Variants in LRRC4C observed in about 807,000 individuals in gnomAD.
The protein encoded by LRRC4C is leucine-rich repeat-containing protein 4C.
A neutral mutation model predicts 33.6 loss-of-function variants in LRRC4C; 5 were observed. That is an observed-to-expected ratio of 0.15 (90% CI 0.08 to 0.31). The LOEUF (loss-of-function observed/expected upper bound fraction) is 0.31, where lower values mean the gene tolerates loss of function less well. Ranked by LOEUF, LRRC4C falls within the 10% of genes least tolerant of loss-of-function variation. The pLI, the probability that LRRC4C is intolerant of heterozygous loss-of-function variation, is 1.00. For missense variants in LRRC4C, 560 were observed against 796.7 expected, an observed-to-expected ratio of 0.70 and a Z score of 3.58; for synonymous variants, 329 against 302.0, an observed-to-expected ratio of 1.09 and a Z score of -0.93.
intron 4 of LRRC4C, among the ~76,000 whole-genome samples, chr11:40,261,778 C>T (rs1464437744): frequency 1.3e-5 from 2 of 152,018 alleles, no homozygotes; most frequent in Non-Finnish European, 2.9e-5. Flanking sequence ...GGAGAACTGG[C>T]TAGCCATATG....
intron 1 of LRRC4C, among the ~76,000 whole-genome samples, chr11:41,327,249 T>G (rs1951150464): frequency 6.6e-6 from 1 of 152,202 alleles, no homozygotes; most frequent in Non-Finnish European, 1.5e-5. Context: ...GAGTTTCCAA[T>G]TACAATGTAG....
chr11:41,290,421 T>C (rs1217781488), intron 1 of LRRC4C, among the ~76,000 whole-genome samples: 1 of 152,160 alleles, frequency 6.6e-6, no homozygotes, highest in Non-Finnish European at 1.5e-5. Flanking sequence ...AGGCTACAAA[T>C]ACGTGTTGTA....
chr11:41,413,876 T>A (rs1185734401), intron 1 of LRRC4C, among the ~76,000 whole-genome samples: 1 of 152,154 alleles, frequency 6.6e-6, no homozygotes, highest in Non-Finnish European at 1.5e-5. Flanking sequence ...TGTGAGAAAC[T>A]TACAAATATC....
intron 3 of LRRC4C, among the ~76,000 whole-genome samples, chr11:40,391,143 G>T (rs1053881284): frequency 1.3e-5 from 2 of 152,112 alleles, no homozygotes; most frequent in African/African-American, 4.8e-5. Context: ...CTCCCAAAGT[G>T]CTAGGATTAC....
rs182459603 is a variant in LRRC4C, at chr11:41,294,682, G to A, written c.-496+164749C>T. Among the ~76,000 whole-genome samples the A allele has an allele frequency of 1.1e-3, 163 of 152,120 alleles. No individual in the cohort carries two copies. The Middle Eastern group carries it at 0.014, about 13-fold the overall frequency. On this transcript the variant is annotated intron_variant, in intron 1 of 6. Coordinates refer to ENST00000528697, the MANE Select transcript of LRRC4C (RefSeq NM_001258419.2). ...TTTCATTTGGTTTTATATTCCAATG[G>A]AACTCACTCTTTTCAGAATGCAATA... is the stretch of plus-strand genomic sequence containing the variant.
intron 1 of LRRC4C, among the ~76,000 whole-genome samples, chr11:41,395,100 T>C (rs2939765): frequency 6.6e-6 from 1 of 151,438 alleles, no homozygotes; most frequent in African/African-American, 2.4e-5. Flanking sequence ...CTGGTTTAAA[T>C]AGCATTTTTC....
At chr11:40,702,343 A>G (rs1371028706) in intron 2 of LRRC4C, among the ~76,000 whole-genome samples, 1 of 152,150 alleles carries the variant, frequency 6.6e-6, no homozygotes, top group Non-Finnish European at 1.5e-5. Flanking sequence ...GATTTTATGA[A>G]AAAAGTCTCT....
chr11:40,214,310 A>G (rs1470782673), intron 5 of LRRC4C, among the ~76,000 whole-genome samples: 7 of 152,012 alleles, frequency 4.6e-5, no homozygotes. Context: ...GGGATTATAT[A>G]CCTGGGATCC....
intron 4 of LRRC4C, among the ~76,000 whole-genome samples, chr11:40,261,345 T>A (rs1237242718): frequency 6.6e-6 from 1 of 152,124 alleles, no homozygotes; most frequent in African/African-American, 2.4e-5. Context: ...TTTTTTTCTG[T>A]CTCATAATAA....
At chr11:40,608,661 G>T (rs1273590056) in intron 3 of LRRC4C, among the ~76,000 whole-genome samples, 1 of 152,080 alleles carries the variant, frequency 6.6e-6, no homozygotes, top group African/African-American at 2.4e-5. Context: ...CCAACTACAT[G>T]CTAACTACAT....
At chr11:40,356,378 A>G (rs540379003) in intron 3 of LRRC4C, among the ~76,000 whole-genome samples, 2 of 152,330 alleles carry the variant, frequency 1.3e-5, no homozygotes, top group East Asian at 1.9e-4. Context: ...TATGCATTCT[A>G]TTAAGCATTT....
intron 1 of LRRC4C, among the ~76,000 whole-genome samples, chr11:41,090,951 C>A (rs1331290613): frequency 6.7e-6 from 1 of 149,060 alleles, no homozygotes; most frequent in South Asian, 2.1e-4. Flanking sequence ...TCAGGCAGTT[C>A]TTTATAGCAT....
At chr11:41,437,778 C>T (rs1297035829) in intron 1 of LRRC4C, among the ~76,000 whole-genome samples, 1 of 152,180 alleles carries the variant, frequency 6.6e-6, no homozygotes, top group Admixed American at 6.5e-5. Context: ...TGGCTTACGC[C>T]TGTAATCCCA....
chr11:40,750,549 C>A (rs536859630), intron 2 of LRRC4C, among the ~76,000 whole-genome samples: 1 of 150,036 alleles, frequency 6.7e-6, no homozygotes, highest in South Asian at 2.1e-4. Context: ...CAAACTATTG[C>A]AAGGACAAGA....
At chr11:40,825,526 A>G (rs1057016999) in intron 2 of LRRC4C, among the ~76,000 whole-genome samples, 22 of 152,020 alleles carry the variant, frequency 1.4e-4, no homozygotes, top group African/African-American at 5.3e-4. Context: ...TCAATCATAC[A>G]CTGGCTATAA....
At chr11:40,883,076 A>G (rs781014365) in intron 2 of LRRC4C, among the ~76,000 whole-genome samples, 10 of 152,112 alleles carry the variant, frequency 6.6e-5, no homozygotes, top group African/African-American at 2.2e-4. Flanking sequence ...CTCAGTGTAC[A>G]TATCATCCTG....
chr11:40,715,196 G>C (rs1169161349), intron 2 of LRRC4C, among the ~76,000 whole-genome samples: 2 of 152,126 alleles, frequency 1.3e-5, no homozygotes, highest in African/African-American at 4.8e-5. Context: ...AAAATAAAGA[G>C]ACCTACAATT....
intron 2 of LRRC4C, among the ~76,000 whole-genome samples, chr11:40,770,415 G>T (rs773364317): frequency 5.3e-5 from 8 of 152,144 alleles, no homozygotes; most frequent in Non-Finnish European, 8.8e-5. Flanking sequence ...AACACATGGG[G>T]ATTGCAATTC....
chr11:40,419,096 C>A (rs1185057656), intron 3 of LRRC4C, among the ~76,000 whole-genome samples: 1 of 151,850 alleles, frequency 6.6e-6, no homozygotes, highest in Admixed American at 6.6e-5. Flanking sequence ...ATGTAACAAA[C>A]CTGCACATCC....
Sources: gnomAD v4.1 joint callset for allele counts (sites outside exome capture counted in the v4.1 genomes callset) on GRCh38, gnomAD v4.1.1 for gene constraint, MANE v1.5 for transcripts, NCBI Gene and HGNC (gene_info 2026-07-23, HGNC 2026-07-21) for gene names.